DIP2C: variants seen among roughly 807,000 people sequenced by gnomAD.
DIP2C encodes DIP2 acetate--CoA ligase C (putative).
Under a neutral mutation model 192.4 loss-of-function variants are expected in DIP2C, and 33 were observed. The observed-to-expected ratio is 0.17, with a 90% CI of 0.13 to 0.23. DIP2C has a LOEUF of 0.23. Among genes scored for constraint, DIP2C ranks in the 10% least tolerant of loss-of-function variants. DIP2C has a pLI of 1.00. For missense variants in DIP2C, 1,537 were observed against 2,110.1 expected (o/e 0.73, Z 5.32); for synonymous variants, 979 against 864.1 (o/e 1.13, Z -2.33).
intron 1 of DIP2C, among the ~76,000 whole-genome samples, chr10:524,280 G>A (rs1344757741): frequency 6.6e-6 from 1 of 152,170 alleles, no homozygotes; most frequent in Non-Finnish European, 1.5e-5. Context: ...GGTACAGACT[G>A]TGTGAGGCCT....
intron 3 of DIP2C, among the ~76,000 whole-genome samples, chr10:453,920 C>T (rs1409477609): frequency 6.6e-6 from 1 of 152,224 alleles, no homozygotes; most frequent in Non-Finnish European, 1.5e-5. Flanking sequence ...AGCAGCAGGA[C>T]CTGCTAGAGC....
chr10:611,189 A>AC (rs1853076934), intron 1 of DIP2C, among the ~76,000 whole-genome samples: 1 of 89,418 alleles, frequency 1.1e-5, no homozygotes, highest in Non-Finnish European at 3.2e-5. Context: ...AGTGCATGGC[A>AC]CCTTCCCCTT....
chr10:611,466 GCA>G (rs1378440058), intron 1 of DIP2C, among the ~76,000 whole-genome samples: 4 of 152,148 alleles, frequency 2.6e-5, no homozygotes, highest in African/African-American at 4.8e-5. Flanking sequence ...CTTTGCCAGA[GCA>G]CAGACTGTTT....
intron 3 of DIP2C, among the ~76,000 whole-genome samples, chr10:467,437 C>G (rs912836532): frequency 3.4e-5 from 5 of 148,010 alleles, no homozygotes; most frequent in African/African-American, 1.3e-4. Flanking sequence ...TGCTAGATGA[C>G]GAGTTAGTGG....
At chr10:391,532 C>T (rs1049369570) in intron 10 of DIP2C, among the ~76,000 whole-genome samples, 36 of 152,342 alleles carry the variant, frequency 2.4e-4, no homozygotes, top group African/African-American at 8.2e-4. Context: ...CTACGCCAGT[C>T]GTCACTCCTG....
In DIP2C at chr10:592,899, T is replaced by C. The variant is rs572322766; in HGVS notation, c.85+96595A>G. Among the ~76,000 whole-genome samples the C allele has an allele frequency of 9.0e-4, 137 of 151,614 alleles. 1 individual carries two copies. The highest frequency in any genetic ancestry group is 1.4e-3 in the Non-Finnish European group (97 of 68,010). On this transcript the variant is annotated intron_variant, in intron 1 of 36. Coordinates refer to ENST00000280886, the MANE Select transcript of DIP2C (RefSeq NM_014974.3). The stretch of plus-strand genomic sequence containing the variant: ...TGCAAGGCTCAAACCAACTGGGTAT[T>C]TGGAAACTTCTGTGCAAAATGGCAT...
chr10:617,045 G>A (rs908312778), intron 1 of DIP2C, among the ~76,000 whole-genome samples: 1 of 152,282 alleles, frequency 6.6e-6, no homozygotes, highest in African/African-American at 2.4e-5. Context: ...ATGGCTAAGG[G>A]CCAAGGTTAG....
chr10:539,891 C>T (rs562500346), intron 1 of DIP2C, among the ~76,000 whole-genome samples: 8 of 152,308 alleles, frequency 5.3e-5, no homozygotes, highest in Admixed American at 1.3e-4. Flanking sequence ...GGGATTTCAA[C>T]GCTAACCAGT....
chr10:327,914 G>C (rs1040419311), intron 30 of DIP2C, among the ~76,000 whole-genome samples: 1 of 152,306 alleles, frequency 6.6e-6, no homozygotes, highest in Middle Eastern at 3.4e-3. Flanking sequence ...AATTCAAGGA[G>C]TTAAGCTCAG....
intron 1 of DIP2C, chr10:650,693 C>T: frequency 1.6e-6 from 1 of 621,124 alleles, no homozygotes; most frequent in South Asian, 1.9e-5. Context: ...AGCCTTAGAG[C>T]CCAGATGGCT....
intron 31 of DIP2C, among the ~76,000 whole-genome samples, chr10:324,129 T>C (rs1401905605): frequency 6.6e-6 from 1 of 152,156 alleles, no homozygotes; most frequent in Non-Finnish European, 1.5e-5. Context: ...ATCCTCTCAC[T>C]GCTCGCTTTT....
chr10:551,563 T>G (rs1848589383), intron 1 of DIP2C, among the ~76,000 whole-genome samples: 1 of 152,216 alleles, frequency 6.6e-6, no homozygotes, highest in African/African-American at 2.4e-5. Context: ...CCTTCCCTCC[T>G]GCCAGGCTGG....
chr10:303,432 A>C (rs1180237000), intron 32 of DIP2C, among the ~76,000 whole-genome samples: 2 of 152,206 alleles, frequency 1.3e-5, no homozygotes, highest in African/African-American at 4.8e-5. Context: ...AAGCTTTTTG[A>C]CTCACTTATA....
At chr10:673,543 C>T (rs1830745491) in intron 1 of DIP2C, among the ~76,000 whole-genome samples, 2 of 152,206 alleles carry the variant, frequency 1.3e-5, no homozygotes, top group Admixed American at 6.5e-5. Flanking sequence ...AATCCCCACC[C>T]GCTCAGTCGC....
chr10:539,525 CAGTCCTGCA>C (rs1393098213), intron 1 of DIP2C, among the ~76,000 whole-genome samples: 2 of 152,156 alleles, frequency 1.3e-5, no homozygotes, highest in African/African-American at 4.8e-5. Context: ...TATCCATAGG[CAGTCCTGCA>C]ACCCACCCCC....
intron 1 of DIP2C, among the ~76,000 whole-genome samples, chr10:495,975 T>G (rs1468404282): frequency 6.7e-6 from 1 of 148,432 alleles, no homozygotes; most frequent in Admixed American, 6.7e-5. Flanking sequence ...TCTCCATTAC[T>G]CGCAATACCT....
At chr10:327,860 C>T (rs1957343516) in intron 30 of DIP2C, among the ~76,000 whole-genome samples, 2 of 152,186 alleles carry the variant, frequency 1.3e-5, no homozygotes, top group African/African-American at 2.4e-5. Flanking sequence ...TCAGTTTCCA[C>T]ACCAAATTCA....
rs183439697 is a variant in DIP2C at position 489,014 on chromosome 10, G to T, written c.86-2484C>A. Among the ~76,000 whole-genome samples the T allele has an allele frequency of 6.6e-5, 10 of 152,224 alleles. 1 individual carries two copies. Among genetic ancestry groups the T allele is most frequent in the South Asian group, 4.2e-4 (2 of 4,810 alleles). On this transcript the variant is annotated intron_variant, in intron 1 of 36. Coordinates refer to ENST00000280886, the MANE Select transcript of DIP2C (RefSeq NM_014974.3). ...TGATCATTTACCTGTTCAGTTACTGGGGGGCGGGCAAAGGGGAAACTTACG... is the reference window on the plus strand; with the variant it reads ...TGATCATTTACCTGTTCAGTTACTGTGGGGCGGGCAAAGGGGAAACTTACG...
chr10:305,439 C>G (rs1956271413), intron 32 of DIP2C, among the ~76,000 whole-genome samples: 1 of 152,106 alleles, frequency 6.6e-6, no homozygotes, highest in African/African-American at 2.4e-5. Context: ...CTCAAGTTTA[C>G]TGATGTACTT....
Sources: gnomAD v4.1 joint callset for allele counts (sites outside exome capture counted in the v4.1 genomes callset) on GRCh38, gnomAD v4.1.1 for gene constraint, MANE v1.5 for transcripts, NCBI Gene and HGNC (gene_info 2026-07-23, HGNC 2026-07-21) for gene names.